Variants in CRPPA observed in about 807,000 individuals in gnomAD.
CRPPA encodes the protein CDP-L-ribitol pyrophosphorylase A, also known as D-ribitol-5-phosphate cytidylyltransferase.
In CRPPA, 43 loss-of-function variants were observed where a neutral mutation model predicts 52.0. The ratio of observed to expected loss-of-function variants is 0.83; its 90% CI spans 0.65 to 1.07. The LOEUF is 1.07. Among genes scored for constraint, CRPPA ranks in the 50% least tolerant of loss-of-function variants. CRPPA has a pLI of 0.00. For missense variants in CRPPA, 629 were observed against 551.7 expected (o/e 1.14, Z -1.40); for synonymous variants, 250 against 203.5 (o/e 1.23, Z -1.94).
At chr7:16,095,418 A>G (rs1238825838) in intron 9 of CRPPA, among the ~76,000 whole-genome samples, 1 of 152,186 alleles carries the variant, frequency 6.6e-6, no homozygotes, top group Non-Finnish European at 1.5e-5. Context: ...GGGAACTTAG[A>G]TAAGACATGT....
At chr7:16,386,375 G>T (rs192030691) in intron 2 of CRPPA, among the ~76,000 whole-genome samples, 197 of 152,282 alleles carry the variant, frequency 1.3e-3, no homozygotes, top group African/African-American at 4.5e-3. Context: ...GATAGGGAAG[G>T]TGTGGCAGGC....
rs1781740073 is a variant in CRPPA at position 16,088,407 on chromosome 7, T to A, written c.*3288A>T. The A allele has an allele frequency of 8.6e-6, 1 of 116,018 alleles. No individual in the cohort carries two copies. Among genetic ancestry groups the A allele is most frequent in the Non-Finnish European group, 1.9e-5 (1 of 52,780 alleles). 7.2% of individuals were successfully genotyped at this position (116,018 alleles called of 1,614,324 possible). A position where few individuals can be genotyped will look rare whatever the true frequency, so the allele number is the denominator to read the frequency against. On this transcript the variant is annotated 3_prime_UTR_variant, in exon 10 of 10. Coordinates refer to ENST00000407010, the MANE Select transcript of CRPPA (RefSeq NM_001101426.4). ...ATGTAACTGTAAAGTTACCTCTGGA[T>A]CTCTCTTTTTTTTTTTTTTTTTTTT... is the stretch of plus-strand genomic sequence containing the variant.
intron 6 of CRPPA, among the ~76,000 whole-genome samples, chr7:16,271,126 G>T (rs543224758): frequency 1.3e-5 from 2 of 152,022 alleles, no homozygotes; most frequent in African/African-American, 2.4e-5. Context: ...ATTAAATTAC[G>T]TCCTCCAGGA....
At chr7:16,193,251 T>A (rs1228568668) in intron 9 of CRPPA, among the ~76,000 whole-genome samples, 1 of 152,118 alleles carries the variant, frequency 6.6e-6, no homozygotes, top group Non-Finnish European at 1.5e-5. Context: ...TCTTGAACAT[T>A]TCTCTACACT....
chr7:16,256,263 A>AT (rs1783636728), intron 8 of CRPPA, among the ~76,000 whole-genome samples: 2 of 152,226 alleles, frequency 1.3e-5, no homozygotes, highest in Admixed American at 1.3e-4. Flanking sequence ...AATGGCAATC[A>AT]TTAAAAAGTC....
At chr7:16,402,981 A>C (rs1295726808) in intron 2 of CRPPA, among the ~76,000 whole-genome samples, 1 of 152,220 alleles carries the variant, frequency 6.6e-6, no homozygotes, top group Non-Finnish European at 1.5e-5. Flanking sequence ...GACACATCAC[A>C]GAGACTAAAC....
intron 9 of CRPPA, among the ~76,000 whole-genome samples, chr7:16,167,116 C>T (rs887144321): frequency 6.6e-5 from 10 of 151,772 alleles, no homozygotes; most frequent in South Asian, 4.2e-4. Context: ...TTAGTAGAGA[C>T]GGGGTTTCAC....
intron 9 of CRPPA, among the ~76,000 whole-genome samples, chr7:16,099,939 T>G (rs746668862): frequency 6.6e-6 from 1 of 152,178 alleles, no homozygotes; most frequent in Non-Finnish European, 1.5e-5. Context: ...AAGCCTACAT[T>G]AACACCATCC....
intron 3 of CRPPA, among the ~76,000 whole-genome samples, chr7:16,354,573 A>C (rs1013965776): frequency 4.6e-5 from 7 of 152,204 alleles, no homozygotes; most frequent in Non-Finnish European, 1.0e-4. Flanking sequence ...ACTTACAAAG[A>C]AACTTGAGAT....
intron 1 of CRPPA, among the ~76,000 whole-genome samples, chr7:16,409,807 T>G (rs538839101): frequency 6.6e-6 from 1 of 152,360 alleles, no homozygotes; most frequent in African/African-American, 2.4e-5. Context: ...AAGAAATTTT[T>G]ACCATTTTTC....
intron 6 of CRPPA, among the ~76,000 whole-genome samples, chr7:16,259,576 A>T (rs1366173391): frequency 2.0e-5 from 3 of 152,018 alleles, no homozygotes; most frequent in African/African-American, 7.2e-5. Context: ...AGATTTAGAG[A>T]AGAACACATA....
At chr7:16,113,818 C>T in intron 9 of CRPPA, among the ~76,000 whole-genome samples, 1 of 151,898 alleles carries the variant, frequency 6.6e-6, no homozygotes, top group Non-Finnish European at 1.5e-5. Flanking sequence ...CCTTCTTACA[C>T]TAAAGTCTGT....
chr7:16,232,058 A>T (rs761614005), intron 8 of CRPPA, among the ~76,000 whole-genome samples: 1 of 152,150 alleles, frequency 6.6e-6, no homozygotes, highest in Non-Finnish European at 1.5e-5. Flanking sequence ...ACAGTGAGAG[A>T]GCTCTATAGA....
At chr7:16,304,996 C>T (rs1381905757) in intron 4 of CRPPA, among the ~76,000 whole-genome samples, 1 of 152,118 alleles carries the variant, frequency 6.6e-6, no homozygotes, top group African/African-American at 2.4e-5. Context: ...TTTTCAGATA[C>T]ATTTTTTTTT....
At chr7:16,289,147 C>T (rs1205802496) in intron 5 of CRPPA, among the ~76,000 whole-genome samples, 1 of 151,728 alleles carries the variant, frequency 6.6e-6, no homozygotes, top group Non-Finnish European at 1.5e-5. Context: ...CTACCAAGAT[C>T]GAAAGAGGAG....
chr7:16,145,586 T>C (rs1782959051), intron 9 of CRPPA, among the ~76,000 whole-genome samples: 1 of 147,194 alleles, frequency 6.8e-6, no homozygotes. Context: ...TTAATAAAAC[T>C]AGGAAAACAA....
intron 8 of CRPPA, among the ~76,000 whole-genome samples, chr7:16,235,646 G>C (rs180945177): frequency 9.9e-5 from 15 of 152,138 alleles, no homozygotes; most frequent in Admixed American, 2.0e-4. Flanking sequence ...TTCTTTACAG[G>C]AAAAAATTGC....
At chr7:16,121,984 C>T (rs78553422) in intron 9 of CRPPA, among the ~76,000 whole-genome samples, 1 of 151,984 alleles carries the variant, frequency 6.6e-6, no homozygotes, top group Non-Finnish European at 1.5e-5. Context: ...TTAATTATTG[C>T]TCCAGCATTA....
intron 8 of CRPPA, among the ~76,000 whole-genome samples, chr7:16,249,090 G>A (rs1228154734): frequency 6.6e-6 from 1 of 152,176 alleles, no homozygotes; most frequent in African/African-American, 2.4e-5. Context: ...TGCTTACAGT[G>A]TAAACAAAGG....
Sources: gnomAD v4.1 joint callset for allele counts (sites outside exome capture counted in the v4.1 genomes callset) on GRCh38, gnomAD v4.1.1 for gene constraint, MANE v1.5 for transcripts, NCBI Gene and HGNC (gene_info 2026-07-23, HGNC 2026-07-21) for gene names.